Variants in ARID4B observed in about 807,000 individuals in gnomAD.
The protein encoded by ARID4B is AT-rich interaction domain 4B.
Under a neutral mutation model 147.5 loss-of-function variants are expected in ARID4B, and 26 were observed. That is an observed-to-expected ratio of 0.18 (90% CI 0.13 to 0.24). The LOEUF (loss-of-function observed/expected upper bound fraction) is 0.24, where lower values mean the gene tolerates loss of function less well. Ranked by LOEUF, ARID4B falls within the 10% of genes least tolerant of loss-of-function variation. The pLI is 1.00. For missense variants in ARID4B, 1,179 were observed against 1,511.5 expected (o/e 0.78, Z 3.65); for synonymous variants, 512 against 507.9 (o/e 1.01, Z -0.11).
chr1:235,198,320 T>C (rs1423967139), intron 17 of ARID4B, among the ~76,000 whole-genome samples: 1 of 152,160 alleles, frequency 6.6e-6, no homozygotes, highest in Non-Finnish European at 1.5e-5. Flanking sequence ...GGTAAAATAG[T>C]AGTTTTCAAT....
chr1:235,252,808 A>C lies in ARID4B; in HGVS notation c.276T>G (p.Val92=). Residue 92 remains valine (V), a splice_region_variant and synonymous_variant, in exon 6 of 24, where the codon GTT becomes GTG. Transcript: ENST00000264183. ...KLTDASWYTV[V]FDDGDEKTLR... ...GTGTCTTCTCATCTCCGTCATCAAA[A>C]ACTATGAGAGGGGGTAAAAATGGAA... 6.2e-7 allele frequency: 1 copy of C among 1,609,192 alleles called. No homozygotes were observed. Among genetic ancestry groups the C allele is most frequent in the Non-Finnish European group, 8.5e-7 (1 of 1,177,568 alleles).
intron 9 of ARID4B, among the ~76,000 whole-genome samples, chr1:235,232,873 T>C (rs1668331345): frequency 6.6e-6 from 1 of 152,126 alleles, no homozygotes; most frequent in African/African-American, 2.4e-5. Flanking sequence ...ATCTTGTTGT[T>C]GTCACCCAGG....
At chr1:235,308,528 G>A (rs1220585177) in intron 2 of ARID4B, among the ~76,000 whole-genome samples, 3 of 139,886 alleles carry the variant, frequency 2.1e-5, no homozygotes, top group Admixed American at 7.4e-5. Flanking sequence ...ATGCCGAGCC[G>A]AAGCTGGACT....
intron 11 of ARID4B, among the ~76,000 whole-genome samples, chr1:235,226,633 T>C (rs571848879): frequency 8.3e-4 from 126 of 152,284 alleles, no homozygotes; most frequent in African/African-American, 2.9e-3. Context: ...ACCATTCTCC[T>C]GCCTCAGCCT....
intron 22 of ARID4B, among the ~76,000 whole-genome samples, chr1:235,173,208 G>A (rs951833094): frequency 3.9e-5 from 6 of 152,180 alleles, no homozygotes; most frequent in Non-Finnish European, 8.8e-5. Flanking sequence ...GCTGGGCATG[G>A]TGGCGGGTGC....
At chr1:235,183,270 G>A (rs1664444788) in intron 19 of ARID4B, among the ~76,000 whole-genome samples, 3 of 150,810 alleles carry the variant, frequency 2.0e-5, no homozygotes, top group Admixed American at 6.6e-5. Flanking sequence ...TGTAAGTGGC[G>A]TGATGTCGGC....
chr1:235,320,879 C>T (rs933928885), intron 2 of ARID4B, among the ~76,000 whole-genome samples: 3 of 152,204 alleles, frequency 2.0e-5, no homozygotes, highest in African/African-American at 7.2e-5. Flanking sequence ...AATGTCATCT[C>T]GAAAAGGCCC....
chr1:235,255,271 C>CTATCTATCTA (rs767376155), intron 5 of ARID4B, among the ~76,000 whole-genome samples: 1,376 of 52,650 alleles, frequency 0.026, 15 homozygotes, highest in South Asian at 0.076. Context: ...AGATATATAT[C>CTATCTATCTA]TCTCTCTCTC....
At chr1:235,218,509 T>C (rs1281564105) in intron 16 of ARID4B, among the ~76,000 whole-genome samples, 1 of 152,202 alleles carries the variant, frequency 6.6e-6, no homozygotes, top group Non-Finnish European at 1.5e-5. Flanking sequence ...CCTTTAGCAG[T>C]ACTTTAAACA....
rs576202070 is a variant in ARID4B at position 235,214,549 on chromosome 1, C to T, written c.1584-523G>A. Among the ~76,000 whole-genome samples, 9 of 152,236 alleles carry T rather than the reference C, an allele frequency of 5.9e-5. No homozygotes were observed. The South Asian group carries it at 1.7e-3, about 28-fold the overall frequency. ...AACAATAATTTTTACTAGCAGATGG[C>T]AGTCTTAATAACTTTAAAACATTCT... On this transcript the variant is annotated intron_variant, in intron 16 of 23. Coordinates refer to ENST00000264183, the MANE Select transcript of ARID4B (RefSeq NM_016374.6).
chr1:235,181,251 T>C (rs1226788042), intron 20 of ARID4B: 2 of 620,328 alleles, frequency 3.2e-6, no homozygotes, highest in Middle Eastern at 6.3e-4. Flanking sequence ...GTTACAGAAA[T>C]AGATTTAAGC....
chr1:235,270,493 A>G (rs1295961510), intron 2 of ARID4B, among the ~76,000 whole-genome samples: 1 of 152,136 alleles, frequency 6.6e-6, no homozygotes, highest in Non-Finnish European at 1.5e-5. Flanking sequence ...AGTAAATTTT[A>G]GATCCACATC....
At position 235,231,121 on chromosome 1, in the gene ARID4B, A is replaced by G; in HGVS notation, c.734T>C (p.Leu245Ser). 6.3e-7 allele frequency: 1 copy of G among 1,583,212 alleles called. No individual in the cohort carries two copies. ...TCCAAGATTATCCTTACCTTGCTTT[A>G]AAACAGCATCAGGCTTTGGTGCAGT... ...SDTAPKPDAVLKQAFEQALEF... is the reference protein window; with the variant it reads ...SDTAPKPDAVSKQAFEQALEF... The change falls in exon 10 of 24, where the codon TTA (leucine) becomes TCA (serine). Residue 245 changes from leucine to serine, a missense_variant. Leu to Ser is a moderately radical substitution (Grantham distance 145). This residue lies in a region of ARID4B where 159 missense variants were observed against 190.5 expected (regional missense o/e 0.83). Transcript: ENST00000264183.
intron 6 of ARID4B, among the ~76,000 whole-genome samples, chr1:235,247,886 G>A (rs1411960463): frequency 1.3e-5 from 2 of 152,066 alleles, no homozygotes; most frequent in Non-Finnish European, 2.9e-5. Flanking sequence ...TACTCGGGAG[G>A]CTGAGGCAGG....
chr1:235,308,729 A>G (rs374590080), intron 2 of ARID4B, among the ~76,000 whole-genome samples: 18 of 152,168 alleles, frequency 1.2e-4, no homozygotes, highest in Admixed American at 8.5e-4. Context: ...CGCCAGCCTC[A>G]GCCTCCCGAG....
At chr1:235,170,974 T>A (rs1019249554) in intron 23 of ARID4B, among the ~76,000 whole-genome samples, 10 of 151,304 alleles carry the variant, frequency 6.6e-5, no homozygotes, top group African/African-American at 2.2e-4. Context: ...AGTGTCTGAC[T>A]TTTTTTTAAA....
At chr1:235,174,080 C>A (rs1159091367) in intron 22 of ARID4B, among the ~76,000 whole-genome samples, 1 of 151,568 alleles carries the variant, frequency 6.6e-6, no homozygotes, top group African/African-American at 2.4e-5. Flanking sequence ...CACTCTGTCG[C>A]CCAGGCTGGA....
chr1:235,252,943 T>C, intron 5 of ARID4B, 134 bp from the exon 6 acceptor site: 3 of 602,138 alleles, frequency 5.0e-6, no homozygotes, highest in Non-Finnish European at 5.6e-6. Context: ...TCACATTTTA[T>C]GTTTTCTAGT....
chr1:235,280,802 G>C (rs1671618695), intron 2 of ARID4B, among the ~76,000 whole-genome samples: 1 of 152,222 alleles, frequency 6.6e-6, no homozygotes, highest in African/African-American at 2.4e-5. Flanking sequence ...CAAGGCAGTG[G>C]GGATAAAGGT....
Sources: gnomAD v4.1 joint callset for allele counts (sites outside exome capture counted in the v4.1 genomes callset) on GRCh38, gnomAD v4.1.1 for gene constraint, gnomAD v4.1.1 regional missense constraint, MANE v1.5 for transcripts, NCBI Gene and HGNC (gene_info 2026-07-23, HGNC 2026-07-21) for gene names.